Variants in PRKN observed in about 807,000 individuals in gnomAD.
PRKN encodes the protein E3 ubiquitin-protein ligase parkin.
A neutral mutation model predicts 59.5 loss-of-function variants in PRKN; 56 were observed. That is an observed-to-expected ratio of 0.94 (90% confidence interval 0.76 to 1.18). The LOEUF is 1.18. PRKN is among the 50% of genes most tolerant of loss of function. The pLI, the probability that PRKN is intolerant of heterozygous loss-of-function variation, is 0.00. For synonymous variants in PRKN, 250 were observed against 222.1 expected (o/e 1.13, Z -1.12); for missense variants, 657 against 596.4 (o/e 1.10, Z -1.06).
chr6:162,167,502 A>T (rs1783040494), intron 4 of PRKN, among the ~76,000 whole-genome samples: 1 of 152,216 alleles, frequency 6.6e-6, no homozygotes, highest in Non-Finnish European at 1.5e-5. Context: ...TAACAGAAGG[A>T]AAATGAGGGA....
intron 1 of PRKN, among the ~76,000 whole-genome samples, chr6:162,455,018 A>T (rs1790802378): frequency 6.6e-6 from 1 of 152,216 alleles, no homozygotes; most frequent in African/African-American, 2.4e-5. Flanking sequence ...ATGAATACAG[A>T]TACACAGTAA....
chr6:161,723,018 C>T (rs993098954), intron 7 of PRKN, among the ~76,000 whole-genome samples: 1 of 152,146 alleles, frequency 6.6e-6, no homozygotes, highest in African/African-American at 2.4e-5. Context: ...CCTGTAATCC[C>T]AGCACTTTGG....
chr6:161,612,461 C>T (rs1782521398), intron 7 of PRKN, among the ~76,000 whole-genome samples: 1 of 152,100 alleles, frequency 6.6e-6, no homozygotes, highest in African/African-American at 2.4e-5. Context: ...TGGCTCACAC[C>T]CATAATTCCA....
intron 1 of PRKN, among the ~76,000 whole-genome samples, chr6:162,703,857 T>C (rs1778244908): frequency 6.6e-6 from 1 of 152,182 alleles, no homozygotes; most frequent in South Asian, 2.1e-4. Flanking sequence ...TAGATTGTGT[T>C]GTTATTCCTT....
chr6:161,802,832 T>C (rs542395761), intron 6 of PRKN, among the ~76,000 whole-genome samples: 1 of 152,206 alleles, frequency 6.6e-6, no homozygotes, highest in Admixed American at 6.5e-5. Flanking sequence ...AGTTAGAAGC[T>C]GCATATATTT....
intron 7 of PRKN, among the ~76,000 whole-genome samples, chr6:161,710,695 A>G (rs1019896405): frequency 1.3e-5 from 2 of 152,038 alleles, no homozygotes; most frequent in Non-Finnish European, 2.9e-5. Context: ...GCTGCTCACC[A>G]CCGGGCTCTG....
In PRKN at chr6:161,551,950, G is replaced by C. The variant is rs373294943; in HGVS notation, c.934-2947C>G. Among the ~76,000 whole-genome samples, 1 of 152,118 alleles carries C rather than the reference G, an allele frequency of 6.6e-6. No individual in the cohort carries two copies. The highest frequency in any genetic ancestry group is 1.5e-5 in the Non-Finnish European group (1 of 68,020). On this transcript the variant is annotated intron_variant, in intron 8 of 11. Coordinates refer to ENST00000366898, the MANE Select transcript of PRKN (RefSeq NM_004562.3). This position sits in a 1 kb window ranked among gnomAD's most constrained non-coding sequence, Gnocchi z 5.2. ...TCAGAGAGCAGGCAGCCATCCTTAG[G>C]AAGAGGAGGCCCGGCTGAGTGCTTA...
At chr6:162,712,444 C>T (rs185984555) in intron 1 of PRKN, among the ~76,000 whole-genome samples, 21 of 152,276 alleles carry the variant, frequency 1.4e-4, no homozygotes, top group Admixed American at 1.2e-3. Context: ...CAATGCAAAC[C>T]TACTGCATGC....
intron 2 of PRKN, among the ~76,000 whole-genome samples, chr6:162,296,528 T>A (rs1171031875): frequency 6.6e-6 from 1 of 152,042 alleles, no homozygotes; most frequent in Non-Finnish European, 1.5e-5. Flanking sequence ...AGTAAACATT[T>A]ACAGAAGCAG....
At chr6:161,577,424 T>G (rs1031335268) in intron 7 of PRKN, among the ~76,000 whole-genome samples, 2 of 152,230 alleles carry the variant, frequency 1.3e-5, no homozygotes, top group East Asian at 3.8e-4. Context: ...TGGAAAAGGC[T>G]GAATAAAAAT....
intron 6 of PRKN, among the ~76,000 whole-genome samples, chr6:161,916,785 T>G (rs1316638447): frequency 6.6e-6 from 1 of 152,178 alleles, no homozygotes; most frequent in Non-Finnish European, 1.5e-5. Context: ...TAGTCTTTAA[T>G]TTTAATTTTT....
rs1293093850 is a variant in PRKN, at chr6:161,413,725, T to C, written c.1084-26848A>G. The stretch of plus-strand genomic sequence containing the variant: ...GAGTCCAGCTGAGAAGGAAGCCACA[T>C]GGCCATTCCTGAGAACAAGGATAAT... On this transcript the variant is annotated intron_variant, in intron 9 of 11. Transcript: ENST00000366898. The surrounding 1 kb of genome is among the most constrained non-coding windows in gnomAD (Gnocchi z 4.4). Among the ~76,000 whole-genome samples the C allele has an allele frequency of 6.6e-6, 1 of 152,186 alleles. No homozygotes were observed. Among genetic ancestry groups the C allele is most frequent in the East Asian group, 1.9e-4 (1 of 5,194 alleles).
At position 161,373,179 on chromosome 6, in the gene PRKN, G is replaced by T. The variant is rs1785509852; in HGVS notation, c.1168-12974C>A. Among the ~76,000 whole-genome samples the T allele has an allele frequency of 6.6e-6, 1 of 152,046 alleles. No homozygotes were observed. The highest frequency in any genetic ancestry group is 2.4e-5 in the African/African-American group (1 of 41,402). Reference sequence around the variant, plus strand: ...TCAGGCCTTCCATGGACTGGGTGAGGCCCACCCACATTATAGAGGGTCATC... The same window carrying T: ...TCAGGCCTTCCATGGACTGGGTGAGTCCCACCCACATTATAGAGGGTCATC... On this transcript the variant is annotated intron_variant, in intron 10 of 11. Coordinates refer to ENST00000366898, the MANE Select transcript of PRKN (RefSeq NM_004562.3). This position sits in a 1 kb window ranked among gnomAD's most constrained non-coding sequence, Gnocchi z 4.8.
At chr6:162,001,881 G>A (rs9355972) in intron 5 of PRKN, among the ~76,000 whole-genome samples, 23,528 of 144,514 alleles carry the variant, frequency 0.16, 2,776 homozygotes, top group East Asian at 0.53. Flanking sequence ...TCATGAATGG[G>A]TGTTTGATTT....
At chr6:162,327,037 G>A (rs1280567233) in intron 2 of PRKN, among the ~76,000 whole-genome samples, 2 of 152,056 alleles carry the variant, frequency 1.3e-5, no homozygotes, top group African/African-American at 4.8e-5. Flanking sequence ...ATATTTCCAT[G>A]TTTAAAGCAT....
chr6:161,425,828 A>G (rs1033889988), intron 9 of PRKN, among the ~76,000 whole-genome samples: 1 of 152,176 alleles, frequency 6.6e-6, no homozygotes, highest in African/African-American at 2.4e-5. Context: ...CCACATCAGT[A>G]ATTCCCCCCA....
intron 7 of PRKN, among the ~76,000 whole-genome samples, chr6:161,708,554 G>A (rs1786608839): frequency 6.6e-6 from 1 of 151,436 alleles, no homozygotes; most frequent in South Asian, 2.1e-4. Flanking sequence ...CATTGCAACA[G>A]GAACGTCATT....
intron 6 of PRKN, among the ~76,000 whole-genome samples, chr6:161,802,514 C>A (rs1039591331): frequency 1.3e-5 from 2 of 152,040 alleles, no homozygotes; most frequent in African/African-American, 4.8e-5. Flanking sequence ...ATGCCCCACA[C>A]ACACCTGGCT....
intron 2 of PRKN, among the ~76,000 whole-genome samples, chr6:162,384,028 T>C (rs374387983): frequency 3.2e-4 from 48 of 152,222 alleles, no homozygotes; most frequent in African/African-American, 1.0e-3. Flanking sequence ...CTTGGCTCAA[T>C]GGAATGTTGT....
Sources: allele counts gnomAD v4.1 joint callset (sites outside exome capture counted in the v4.1 genomes callset), GRCh38; gene constraint gnomAD v4.1.1; non-coding constraint Gnocchi (gnomAD v3.1); transcripts MANE v1.5; gene names NCBI Gene and HGNC (gene_info 2026-07-23, HGNC 2026-07-21).